SGCD: variants seen among roughly 807,000 people sequenced by gnomAD.
SGCD encodes delta-sarcoglycan.
A neutral mutation model predicts 36.6 loss-of-function variants in SGCD; 18 were observed. That is an observed-to-expected ratio of 0.49 (90% CI 0.34 to 0.73). SGCD has a LOEUF of 0.73. Ranked by LOEUF, SGCD falls within the 30% of genes least tolerant of loss-of-function variation. SGCD has a pLI of 0.01. For synonymous variants in SGCD, 133 were observed against 130.6 expected, an observed-to-expected ratio of 1.02 and a Z score of -0.12; for missense variants, 387 against 346.7, an observed-to-expected ratio of 1.12 and a Z score of -0.92.
intron 4 of SGCD, among the ~76,000 whole-genome samples, chr5:156,573,947 C>T (rs541091411): frequency 2.0e-5 from 3 of 152,254 alleles, no homozygotes; most frequent in East Asian, 1.9e-4. Context: ...CCCTCCTTGG[C>T]CTCCCAGAGC....
At position 156,351,691 on chromosome 5, in the gene SGCD, A is replaced by G. The variant is rs11742328; in HGVS notation, c.192+7014A>G. On this transcript the variant is annotated intron_variant, in intron 3 of 8. Transcript: ENST00000337851. ...TGCCAGGCACTACACTGTCGCAGTT[A>G]CAGTTTGCAAATATTATCTAACTTA... Among the ~76,000 whole-genome samples, 777 of 152,156 alleles carry G rather than the reference A, an allele frequency of 5.1e-3. 8 individuals carry two copies. The highest frequency in any genetic ancestry group is 9.6e-3 in the Non-Finnish European group (650 of 68,010).
chr5:156,374,262 C>A (rs7725840), intron 3 of SGCD, among the ~76,000 whole-genome samples: 5,204 of 152,166 alleles, frequency 0.034, 235 homozygotes, highest in African/African-American at 0.097. Context: ...ACCTGTGCCA[C>A]AGAAAATACC....
At chr5:156,713,410 C>CGGG (rs879815469) in intron 7 of SGCD, among the ~76,000 whole-genome samples, 7 of 144,982 alleles carry the variant, frequency 4.8e-5, no homozygotes, top group African/African-American at 1.9e-4. Flanking sequence ...TTGAACATGT[C>CGGG]GGGGGGGGCG....
At chr5:156,333,973 C>G (rs1768202048) in intron 2 of SGCD, among the ~76,000 whole-genome samples, 1 of 150,828 alleles carries the variant, frequency 6.6e-6, no homozygotes, top group Non-Finnish European at 1.5e-5. Flanking sequence ...TTTTTTACTG[C>G]CTTACTCTGT....
At chr5:156,315,573 C>T (rs1767497071) in intron 3 of SGCD, among the ~76,000 whole-genome samples, 1 of 151,910 alleles carries the variant, frequency 6.6e-6, no homozygotes, top group Admixed American at 6.6e-5. Flanking sequence ...GATGTATACA[C>T]ACAAGTGAGT....
chr5:156,554,388 A>G (rs371693844), intron 4 of SGCD, among the ~76,000 whole-genome samples: 1 of 151,400 alleles, frequency 6.6e-6, no homozygotes, highest in South Asian at 2.1e-4. Context: ...AAAGAGGGGT[A>G]CCATGTATAC....
At chr5:156,410,797 AC>A (rs539704457) in intron 3 of SGCD, among the ~76,000 whole-genome samples, 129 of 151,876 alleles carry the variant, frequency 8.5e-4, no homozygotes, top group African/African-American at 2.9e-3. Context: ...GAGCTATTAG[AC>A]CCATGAAAGG....
intron 2 of SGCD, among the ~76,000 whole-genome samples, chr5:156,120,991 G>A (rs759083279): frequency 6.6e-5 from 10 of 152,116 alleles, no homozygotes; most frequent in Admixed American, 4.6e-4. Flanking sequence ...GACAATAAAT[G>A]AATCAGAAAA....
rs542901399 is a variant in SGCD, at chr5:156,300,017, G to A, written c.-43-29517G>A. Among the ~76,000 whole-genome samples, 7 of 152,032 alleles carry A rather than the reference G, an allele frequency of 4.6e-5. No homozygotes were observed. In the East Asian group the frequency reaches 7.7e-4, roughly 17 times the overall value. ...GTATCCTTGTCATGTTCCTGATCTC[G>A]GAGGAAAGGCTTTCAGTTTTTTCCC... On this transcript the variant is annotated intron_variant, in intron 3 of 9. Coordinates refer to the SGCD transcript ENST00000517913.
chr5:156,342,382 C>T (rs1373057381), intron 2 of SGCD, among the ~76,000 whole-genome samples: 1 of 152,154 alleles, frequency 6.6e-6, no homozygotes, highest in Non-Finnish European at 1.5e-5. Flanking sequence ...ATCCTTTAGC[C>T]CTGCACAAGC....
At position 155,963,554 on chromosome 5, in the gene SGCD, TC is replaced by T. The variant is rs1171454849; in HGVS notation, c.-282+93132del. On this transcript the variant is annotated intron_variant, in intron 1 of 9. Coordinates refer to the SGCD transcript ENST00000517913. ...AGCAATCACTTCATACTAGGTATTG[TC>T]CTAATTTTATTCCACGTATTGCCTT... Among the ~76,000 whole-genome samples, 3 of 152,186 alleles carry T rather than the reference TC, an allele frequency of 2.0e-5. No homozygotes were observed. In the East Asian group the frequency reaches 5.8e-4, roughly 30 times the overall value.
At position 156,551,066 on chromosome 5, in the gene SGCD, C is replaced by T. The variant is rs545811638; in HGVS notation, c.295-38165C>T. Among the ~76,000 whole-genome samples, 21 of 152,264 alleles carry T rather than the reference C, an allele frequency of 1.4e-4. 1 individual carries two copies. The highest frequency in any genetic ancestry group is 5.1e-4 in the African/African-American group (21 of 41,550). On this transcript the variant is annotated intron_variant, in intron 4 of 8. Coordinates refer to ENST00000337851, the MANE Select transcript of SGCD (RefSeq NM_000337.6). Reference sequence around the variant, plus strand: ...GGATCCTCCCCTGTATCTTTTCTGACCTTGTTGCCACACTCGCCCTGTCAG... The same window carrying T: ...GGATCCTCCCCTGTATCTTTTCTGATCTTGTTGCCACACTCGCCCTGTCAG...
intron 1 of SGCD, among the ~76,000 whole-genome samples, chr5:155,961,121 G>A (rs994514708): frequency 6.6e-6 from 1 of 151,930 alleles, no homozygotes; most frequent in Non-Finnish European, 1.5e-5. Context: ...CAACATATTA[G>A]GAATATCAAA....
intron 4 of SGCD, among the ~76,000 whole-genome samples, chr5:156,511,666 A>G (rs1323366795): frequency 6.6e-6 from 1 of 152,232 alleles, no homozygotes; most frequent in Admixed American, 6.5e-5. Context: ...ATAGTCGTAT[A>G]TAAACAGCAC....
At chr5:156,588,079 A>C (rs1204016613) in intron 4 of SGCD, among the ~76,000 whole-genome samples, 2 of 151,912 alleles carry the variant, frequency 1.3e-5, no homozygotes, top group African/African-American at 4.8e-5. Flanking sequence ...AGGAATGGCT[A>C]CCAGATTCCT....
intron 1 of SGCD, among the ~76,000 whole-genome samples, chr5:156,020,828 A>G (rs556656333): frequency 6.6e-5 from 10 of 152,078 alleles, no homozygotes; most frequent in Non-Finnish European, 1.5e-4. Flanking sequence ...GATTATTTTC[A>G]TTTCACAGTT....
chr5:156,703,799 C>T (rs1754628183), intron 7 of SGCD, among the ~76,000 whole-genome samples: 1 of 152,092 alleles, frequency 6.6e-6, no homozygotes, highest in Admixed American at 6.6e-5. Flanking sequence ...AATTTTCTCC[C>T]ACCATGTATT....
chr5:156,689,065 A>G (rs535703443), intron 7 of SGCD, among the ~76,000 whole-genome samples: 2 of 152,330 alleles, frequency 1.3e-5, no homozygotes, highest in Admixed American at 1.3e-4. Context: ...AAAGACAAAA[A>G]GACATAGAAG....
chr5:155,906,572 G>A (rs1270551061), intron 1 of SGCD, among the ~76,000 whole-genome samples: 1 of 152,162 alleles, frequency 6.6e-6, no homozygotes, highest in Non-Finnish European at 1.5e-5. Context: ...CTGATAGGGA[G>A]AAAGTCTGAG....
Sources: allele counts gnomAD v4.1 joint callset (sites outside exome capture counted in the v4.1 genomes callset), GRCh38; gene constraint gnomAD v4.1.1; transcripts MANE v1.5; gene names NCBI Gene and HGNC (gene_info 2026-07-23, HGNC 2026-07-21).